The following RABGAP1 variants were observed in gnomAD, a reference collection of about 807,000 sequenced individuals.
RABGAP1 encodes rab GTPase-activating protein 1.
In RABGAP1, 23 loss-of-function variants were observed where a neutral mutation model predicts 137.6. The ratio of observed to expected loss-of-function variants is 0.17; its 90% CI spans 0.12 to 0.24. The LOEUF is 0.24. RABGAP1 is among the 10% of genes least tolerant of loss of function. The pLI, the probability that RABGAP1 is intolerant of heterozygous loss-of-function variation, is 1.00. For missense variants in RABGAP1, 906 were observed against 1,275.8 expected (o/e 0.71, Z 4.42); for synonymous variants, 451 against 450.7 (o/e 1.00, Z -0.01).
chr9:122,931,683 C>A, the RABGAP1 span, among the ~76,000 whole-genome samples: 1 of 152,242 alleles, frequency 6.6e-6, no homozygotes. Flanking sequence ...AGACGGAGGG[C>A]ACCGTACTCT....
intron 11 of RABGAP1, among the ~76,000 whole-genome samples, chr9:123,011,055 A>G (rs751170679): frequency 3.3e-5 from 5 of 150,592 alleles, no homozygotes; most frequent in Non-Finnish European, 7.4e-5. Context: ...GTCATTCTCT[A>G]TTAAAAGATA....
At chr9:123,072,303 C>T (rs2034382178) in intron 15 of RABGAP1, among the ~76,000 whole-genome samples, 1 of 152,124 alleles carries the variant, frequency 6.6e-6, no homozygotes, top group African/African-American at 2.4e-5. Flanking sequence ...CTGAACCCAG[C>T]TTGTTGCTAT....
In RABGAP1 at chr9:123,076,750, CT is replaced by C; in HGVS notation, c.2413del (p.Cys805AlafsTer3). Reference sequence around the variant, plus strand: ...ATGCAAAAAAACTAATGGAATTAGCCTGCAACATGAAGGTAAAATAATTTTG... The same window carrying C: ...ATGCAAAAAAACTAATGGAATTAGCCGCAACATGAAGGTAAAATAATTTTG... ...ENAKKLMELA[C>X]NMKISQKKLK... On this transcript the variant is annotated frameshift_variant, in exon 19 of 26. Coordinates refer to ENST00000373647, the MANE Select transcript of RABGAP1 (RefSeq NM_012197.4). LOFTEE classifies it high-confidence loss of function. 6.3e-7 allele frequency: 1 copy of C among 1,587,888 alleles called. No homozygotes were observed. Among genetic ancestry groups the C allele is most frequent in the Non-Finnish European group, 8.6e-7 (1 of 1,167,388 alleles).
chr9:123,002,769 TA>T (rs1245049069), intron 10 of RABGAP1, among the ~76,000 whole-genome samples: 1 of 152,148 alleles, frequency 6.6e-6, no homozygotes, highest in Non-Finnish European at 1.5e-5. Context: ...AATTTTTTTT[TA>T]GTTAGGCTAA....
upstream of RABGAP1, chr9:122,938,028 A>T (rs1473088966): frequency 6.6e-6 from 1 of 152,248 alleles, no homozygotes; most frequent in African/African-American, 2.4e-5. Flanking sequence ...CCTGAAAGAT[A>T]CAGTAACTGA....
Position 122,990,317 on chromosome 9 carries a change from G to A in RABGAP1, c.923+104G>A, listed in dbSNP as rs1836601537. 8.8e-6 allele frequency: 9 copies of A among 1,027,790 alleles called. No homozygotes were observed. In the East Asian group the frequency reaches 9.1e-5, roughly 10 times the overall value. 63.7% of individuals were successfully genotyped at this position (1,027,790 alleles called of 1,614,324 possible). On this transcript the variant is annotated intron_variant, in intron 6 of 25. Coordinates refer to ENST00000373647, the MANE Select transcript of RABGAP1 (RefSeq NM_012197.4). ...CATAAAATGATGGCTTTTAAAGGGA[G>A]GGCTTTTAAAAAAAATCTGGATGAT...
intron 6 of RABGAP1, 34 bp from the exon 7 acceptor site, chr9:122,996,007 C>T: frequency 1.3e-6 from 2 of 1,548,610 alleles, no homozygotes. Context: ...CAAGAAAATG[C>T]TTTGCAAAAT....
chr9:122,950,384 T>TG (rs1455304149), intron 1 of RABGAP1, among the ~76,000 whole-genome samples: 18 of 141,094 alleles, frequency 1.3e-4, no homozygotes, highest in Non-Finnish European at 2.0e-4. Flanking sequence ...TTTCTTTTTT[T>TG]TTTTTTTTTT....
intron 2 of RABGAP1, among the ~76,000 whole-genome samples, chr9:122,977,162 G>A (rs990347498): frequency 6.6e-6 from 1 of 152,174 alleles, no homozygotes; most frequent in Non-Finnish European, 1.5e-5. Flanking sequence ...GCAATTATAA[G>A]TTGAATGGTG....
intron 2 of RABGAP1, among the ~76,000 whole-genome samples, chr9:122,981,181 T>C (rs944272447): frequency 5.9e-5 from 9 of 152,166 alleles, no homozygotes; most frequent in Admixed American, 5.9e-4. Flanking sequence ...CATGCCACAA[T>C]GCCTGGTTGA....
intron 1 of RABGAP1, among the ~76,000 whole-genome samples, 182 bp from the exon 2 acceptor site, chr9:122,956,829 G>A (rs1306597160): frequency 6.6e-6 from 1 of 151,832 alleles, no homozygotes; most frequent in Non-Finnish European, 1.5e-5. Flanking sequence ...GCCTTGAATA[G>A]CATGAAATTC....
At chr9:123,036,022 A>C (rs529323968) in intron 13 of RABGAP1, among the ~76,000 whole-genome samples, 54 of 152,322 alleles carry the variant, frequency 3.5e-4, no homozygotes, top group South Asian at 2.7e-3. Context: ...CTTTCCAGCT[A>C]TTTGGGCTTC....
At chr9:123,037,583 T>C (rs1306696194) in intron 13 of RABGAP1, among the ~76,000 whole-genome samples, 1 of 152,226 alleles carries the variant, frequency 6.6e-6, no homozygotes, top group Admixed American at 6.5e-5. Context: ...AAAATTTACC[T>C]TTTTTCATAC....
At chr9:123,061,367 G>A (rs574197232) in intron 13 of RABGAP1, among the ~76,000 whole-genome samples, 13 of 152,260 alleles carry the variant, frequency 8.5e-5, no homozygotes, top group South Asian at 2.1e-4. Context: ...TACTCGCCTC[G>A]GCCTCCCAAA....
chr9:122,933,968 A>G, the RABGAP1 span, among the ~76,000 whole-genome samples: 8 of 151,318 alleles, frequency 5.3e-5, no homozygotes, highest in Non-Finnish European at 1.0e-4. Flanking sequence ...GCGCCTTGCT[A>G]TGTTCCTCAG....
At chr9:123,039,833 C>A (rs1313188360) in intron 13 of RABGAP1, among the ~76,000 whole-genome samples, 1 of 152,132 alleles carries the variant, frequency 6.6e-6, no homozygotes, top group African/African-American at 2.4e-5. Context: ...AAAGAAACTT[C>A]CTATGTGGTT....
upstream of RABGAP1, among the ~76,000 whole-genome samples, chr9:122,936,573 A>G (rs1444844315): frequency 6.6e-6 from 1 of 152,192 alleles, no homozygotes; most frequent in Non-Finnish European, 1.5e-5. Context: ...CTGTATCCAC[A>G]TTCCTGGTGC....
At chr9:122,941,884 C>G (rs1220760106) in intron 1 of RABGAP1, among the ~76,000 whole-genome samples, 7 of 152,248 alleles carry the variant, frequency 4.6e-5, no homozygotes, top group African/African-American at 1.7e-4. Context: ...CCTTTGGTTA[C>G]TCGAGAATTC....
At chr9:122,977,798 A>C (rs1835841471) in intron 2 of RABGAP1, among the ~76,000 whole-genome samples, 1 of 152,178 alleles carries the variant, frequency 6.6e-6, no homozygotes, top group Non-Finnish European at 1.5e-5. Context: ...TCTATCCAGT[A>C]GACAGTTGAG....
Sources: gnomAD v4.1 joint callset for allele counts (sites outside exome capture counted in the v4.1 genomes callset) on GRCh38, gnomAD v4.1.1 for gene constraint, MANE v1.5 for transcripts, NCBI Gene and HGNC (gene_info 2026-07-23, HGNC 2026-07-21) for gene names.